The following SLC25A21 variants were observed in gnomAD, a reference collection of about 807,000 sequenced individuals.
SLC25A21 encodes solute carrier family 25 member 21, also known as mitochondrial 2-oxodicarboxylate carrier.
In SLC25A21, 47 loss-of-function variants were observed where a neutral mutation model predicts 43.8. The observed-to-expected ratio is 1.07, with a 90% CI of 0.85 to 1.37. SLC25A21 has a LOEUF of 1.37. Ranked by LOEUF, SLC25A21 falls within the 40% of genes most tolerant of loss-of-function variation. SLC25A21 has a pLI of 0.00. For missense variants in SLC25A21, 352 were observed against 350.2 expected, an observed-to-expected ratio of 1.00 and a Z score of -0.04; for synonymous variants, 131 against 121.3, an observed-to-expected ratio of 1.08 and a Z score of -0.52.
intron 1 of SLC25A21, among the ~76,000 whole-genome samples, chr14:37,064,063 A>C (rs1962008424): frequency 6.6e-6 from 1 of 152,174 alleles, no homozygotes; most frequent in African/African-American, 2.4e-5. Context: ...CAGTGAACTG[A>C]GTGAGGAAGA....
At chr14:37,157,077 C>T (rs1344255282) in intron 1 of SLC25A21, among the ~76,000 whole-genome samples, 5 of 152,176 alleles carry the variant, frequency 3.3e-5, no homozygotes, top group Non-Finnish European at 5.9e-5. Flanking sequence ...TCATATCACG[C>T]CCAGCACGGT....
chr14:37,099,715 T>C (rs1170974232), intron 1 of SLC25A21, among the ~76,000 whole-genome samples: 2 of 152,138 alleles, frequency 1.3e-5, no homozygotes, highest in Admixed American at 6.6e-5. Flanking sequence ...GCAGGCTCCA[T>C]ATTGGGAACT....
intron 1 of SLC25A21, among the ~76,000 whole-genome samples, chr14:36,995,243 T>C (rs1336542044): frequency 6.6e-6 from 1 of 152,322 alleles, no homozygotes; most frequent in Admixed American, 6.5e-5. Context: ...AATTTCTTAA[T>C]TACAAATGCG....
At chr14:37,004,903 A>T (rs1032496006) in intron 1 of SLC25A21, among the ~76,000 whole-genome samples, 4 of 150,768 alleles carry the variant, frequency 2.7e-5, no homozygotes, top group Non-Finnish European at 5.9e-5. Context: ...AGAAGGAGGA[A>T]TAAGAAGAAT....
chr14:36,774,924 CTATTTTAGAAATAACGACAATTTAAAA>C (rs1886769182), intron 3 of SLC25A21, among the ~76,000 whole-genome samples: 3 of 152,200 alleles, frequency 2.0e-5, no homozygotes, highest in Non-Finnish European at 4.4e-5. Flanking sequence ...GCTAATGTTT[CTATTTTAGAAATAACGACAATTTAAAA>C]TATTTTAATA....
chr14:37,009,118 A>T (rs1960673128), intron 1 of SLC25A21, among the ~76,000 whole-genome samples: 1 of 152,180 alleles, frequency 6.6e-6, no homozygotes, highest in South Asian at 2.1e-4. Flanking sequence ...TTAATCTCAC[A>T]TCATCAGCTG....
At chr14:37,070,582 C>T (rs1027388836) in intron 1 of SLC25A21, among the ~76,000 whole-genome samples, 3 of 152,110 alleles carry the variant, frequency 2.0e-5, no homozygotes, top group African/African-American at 7.2e-5. Context: ...ATTAATTCTC[C>T]AACTTAAGCT....
intron 1 of SLC25A21, among the ~76,000 whole-genome samples, chr14:37,109,657 ACTT>A (rs1594797748): frequency 6.6e-6 from 1 of 152,178 alleles, no homozygotes; most frequent in African/African-American, 2.4e-5. Flanking sequence ...CTTTAGCTCT[ACTT>A]CTAATTAACT....
intron 1 of SLC25A21, among the ~76,000 whole-genome samples, chr14:37,027,944 A>G (rs1961128415): frequency 6.6e-6 from 1 of 152,356 alleles, no homozygotes; most frequent in Admixed American, 6.5e-5. Flanking sequence ...ACCTTTTCAA[A>G]TACCAATTGA....
intron 3 of SLC25A21, among the ~76,000 whole-genome samples, chr14:36,762,185 T>A (rs1886182236): frequency 6.6e-6 from 1 of 152,240 alleles, no homozygotes; most frequent in Non-Finnish European, 1.5e-5. Context: ...GAAAATTGTA[T>A]CTCAACAGTA....
intron 1 of SLC25A21, among the ~76,000 whole-genome samples, chr14:37,169,274 G>A (rs536211274): frequency 2.0e-5 from 3 of 152,156 alleles, no homozygotes; most frequent in South Asian, 4.2e-4. Context: ...CTTACTAGGC[G>A]AGTGTCTGTG....
intron 2 of SLC25A21, among the ~76,000 whole-genome samples, chr14:36,854,656 A>C (rs1410520256): frequency 6.6e-6 from 1 of 152,218 alleles, no homozygotes; most frequent in African/African-American, 2.4e-5. Flanking sequence ...TGTTTTTACA[A>C]GTTGTGCTTG....
At chr14:36,975,781 T>C (rs1411324663) in intron 1 of SLC25A21, among the ~76,000 whole-genome samples, 1 of 152,070 alleles carries the variant, frequency 6.6e-6, no homozygotes, top group Non-Finnish European at 1.5e-5. Flanking sequence ...TGACAAATGG[T>C]AGGAAACCTG....
At chr14:36,954,193 T>G (rs1422245990) in intron 1 of SLC25A21, among the ~76,000 whole-genome samples, 19 of 152,100 alleles carry the variant, frequency 1.2e-4, no homozygotes, top group Admixed American at 1.2e-3. Flanking sequence ...GTAAAAAATG[T>G]CTCTGATTGT....
At chr14:37,168,384 G>A (rs1964067364) in intron 1 of SLC25A21, among the ~76,000 whole-genome samples, 1 of 152,144 alleles carries the variant, frequency 6.6e-6, no homozygotes, top group Non-Finnish European at 1.5e-5. Flanking sequence ...GCTACTGTCA[G>A]TGCATCAATC....
At chr14:36,764,079 A>AGAAAGAAGGAAGGAAGGAAGGAAGGAAG (rs1555326615) in intron 3 of SLC25A21, among the ~76,000 whole-genome samples, 1 of 41,870 alleles carries the variant, frequency 2.4e-5, no homozygotes, top group African/African-American at 2.0e-4. Flanking sequence ...AAAGAAAGAA[A>AGAAAGAAGGAAGGAAGGAAGGAAGGAAG]GAAGGAAGGA....
intron 1 of SLC25A21, among the ~76,000 whole-genome samples, chr14:36,916,287 T>C (rs1396507427): frequency 1.3e-5 from 2 of 152,158 alleles, no homozygotes; most frequent in Admixed American, 6.6e-5. Context: ...TCAGATGTTG[T>C]CTCTTGAGGA....
chr14:37,041,503 AAAT>A (rs1961471110), intron 1 of SLC25A21, among the ~76,000 whole-genome samples: 2 of 152,236 alleles, frequency 1.3e-5, no homozygotes, highest in South Asian at 4.1e-4. Flanking sequence ...AAGAAAAAAA[AAAT>A]GTTACAGCAA....
intron 1 of SLC25A21, among the ~76,000 whole-genome samples, chr14:37,047,995 T>G (rs2138793372): frequency 6.6e-6 from 1 of 152,296 alleles, no homozygotes; most frequent in South Asian, 2.1e-4. Flanking sequence ...AATTTTAAAA[T>G]TAATGCAGAA....
Sources: allele counts gnomAD v4.1 joint callset (sites outside exome capture counted in the v4.1 genomes callset), GRCh38; gene constraint gnomAD v4.1.1; transcripts MANE v1.5; gene names NCBI Gene and HGNC (gene_info 2026-07-23, HGNC 2026-07-21).